The following DNM3 variants were observed in gnomAD, a reference collection of about 807,000 sequenced individuals.
DNM3 encodes the protein dynamin-3.
In DNM3, 47 loss-of-function variants were observed where a neutral mutation model predicts 101.6. That is an observed-to-expected ratio of 0.46 (90% confidence interval 0.37 to 0.59). The LOEUF (loss-of-function observed/expected upper bound fraction) is 0.59, where lower values mean the gene tolerates loss of function less well. Among genes scored for constraint, DNM3 ranks in the 20% least tolerant of loss-of-function variants. The probability of loss-of-function intolerance (pLI) is 0.00; values close to 1 mark genes in which losing one functional copy is unlikely to be tolerated. For synonymous variants in DNM3, 385 were observed against 387.9 expected, an observed-to-expected ratio of 0.99 and a Z score of 0.09; for missense variants, 849 against 1,085.7, an observed-to-expected ratio of 0.78 and a Z score of 3.06.
At chr1:171,957,320 C>A (rs1264559361) in intron 2 of DNM3, among the ~76,000 whole-genome samples, 1 of 151,560 alleles carries the variant, frequency 6.6e-6, no homozygotes, top group African/African-American at 2.4e-5. Context: ...GCTTCAGCCT[C>A]CTGAGTAGCT....
intron 2 of DNM3, chr1:171,987,267 A>T: frequency 1.0e-6 from 1 of 982,268 alleles, no homozygotes; most frequent in Non-Finnish European, 1.2e-6. Flanking sequence ...CATCCTGATG[A>T]AATGGTGATA....
intron 12 of DNM3, among the ~76,000 whole-genome samples, 159 bp downstream of exon 12, chr1:172,082,061 T>A (rs2053190316): frequency 6.6e-6 from 1 of 152,226 alleles, no homozygotes; most frequent in Non-Finnish European, 1.5e-5. Context: ...TCCATGGTCG[T>A]AGGGCAGGGA....
At chr1:172,050,806 C>T (rs1482070468) in intron 10 of DNM3, among the ~76,000 whole-genome samples, 2 of 152,118 alleles carry the variant, frequency 1.3e-5, no homozygotes, top group African/African-American at 4.8e-5. Context: ...AGATCTTGGC[C>T]TTACATCAAA....
intron 14 of DNM3, among the ~76,000 whole-genome samples, chr1:172,163,719 A>G (rs1480364380): frequency 6.6e-6 from 1 of 152,004 alleles, no homozygotes; most frequent in Non-Finnish European, 1.5e-5. Flanking sequence ...ATTCCTTGTA[A>G]GTGAGATCAT....
chr1:172,069,015 A>AG lies in DNM3; in HGVS notation c.1422+110_1422+111insG. On this transcript the variant is annotated intron_variant, in intron 11 of 20. Transcript: ENST00000627582. ...AGCCTGTCGCTTAAAGGAAAAAAAAATAGTGGAACACAACTACATTATGTT... is the reference window on the plus strand; with the variant it reads ...AGCCTGTCGCTTAAAGGAAAAAAAAAGTAGTGGAACACAACTACATTATGTT... 8.9e-6 allele frequency: 7 copies of AG among 784,026 alleles called. No individual in the cohort carries two copies. The South Asian group carries it at 1.0e-4, about 11-fold the overall frequency. The allele number at this position is 784,026 out of a possible 1,614,324, so 48.6% of individuals were successfully genotyped here.
Position 171,854,400 on chromosome 1 carries a change from TTTATGA to T in DNM3, c.161+12588_161+12593del, listed in dbSNP as rs377698363. Among the ~76,000 whole-genome samples, 199 of 152,270 alleles carry T rather than the reference TTTATGA, an allele frequency of 1.3e-3. 1 individual carries two copies. Among genetic ancestry groups the T allele is most frequent in the African/African-American group, 4.7e-3 (195 of 41,542 alleles). ...TGTCACATGGTAACATAGTTACCTG[TTTATGA>T]TTATTATTACTGGGGATGGAAGTTT... On this transcript the variant is annotated intron_variant, in intron 1 of 20. Transcript: ENST00000627582.
chr1:172,329,102 G>A (rs2148928744), intron 17 of DNM3, among the ~76,000 whole-genome samples: 1 of 152,100 alleles, frequency 6.6e-6, no homozygotes, highest in East Asian at 1.9e-4. Flanking sequence ...TTATGGTACT[G>A]TATGGTAAAA....
At chr1:172,289,503 T>C in intron 15 of DNM3, 4 of 902,220 alleles carry the variant, frequency 4.4e-6, no homozygotes, top group Non-Finnish European at 5.3e-6. Context: ...CAGAATTCTG[T>C]TTTATTGTCT....
chr1:172,064,972 C>T (rs982910768), intron 10 of DNM3, among the ~76,000 whole-genome samples: 23 of 152,136 alleles, frequency 1.5e-4, no homozygotes, highest in Non-Finnish European at 2.6e-4. Flanking sequence ...CTTACAGATT[C>T]CTTTTCTGGT....
At chr1:172,235,734 C>T (rs867023178) in intron 14 of DNM3, among the ~76,000 whole-genome samples, 1 of 152,074 alleles carries the variant, frequency 6.6e-6, no homozygotes, top group Admixed American at 6.6e-5. Flanking sequence ...TCTCAGCAAA[C>T]TATCGCAAGG....
chr1:172,334,859 A>C (rs1291021169), intron 17 of DNM3, among the ~76,000 whole-genome samples: 1 of 152,104 alleles, frequency 6.6e-6, no homozygotes, highest in Non-Finnish European at 1.5e-5. Flanking sequence ...TCTTTCACTA[A>C]ATAAAAAAAA....
At chr1:172,234,940 G>A (rs1262469415) in intron 14 of DNM3, among the ~76,000 whole-genome samples, 4 of 152,200 alleles carry the variant, frequency 2.6e-5, no homozygotes, top group Admixed American at 2.6e-4. Flanking sequence ...ACAGGCATGG[G>A]CAAGGACTTC....
intron 17 of DNM3, among the ~76,000 whole-genome samples, chr1:172,327,567 T>C (rs2065988708): frequency 6.6e-6 from 1 of 152,182 alleles, no homozygotes; most frequent in African/African-American, 2.4e-5. Context: ...TGTCATAATG[T>C]ACATTTTCTT....
chr1:172,179,060 G>C (rs1558683907), intron 14 of DNM3, among the ~76,000 whole-genome samples: 1 of 151,906 alleles, frequency 6.6e-6, no homozygotes, highest in Non-Finnish European at 1.5e-5. Flanking sequence ...AATGAAACTG[G>C]ACTTAGAATG....
At chr1:172,077,406 G>A (rs188013003) in intron 11 of DNM3, among the ~76,000 whole-genome samples, 2 of 152,144 alleles carry the variant, frequency 1.3e-5, no homozygotes, top group Non-Finnish European at 2.9e-5. Context: ...TGTGATGTTA[G>A]GGTGTCGATT....
chr1:172,379,094 G>T lies in DNM3; in HGVS notation c.1970G>T (p.Arg657Leu). ...TTGGAGAGGCAAGTGGAGACCATTC[G>T]CAACCTCGTAGACTCCTACATGTCC... ...PQLERQVETIRNLVDSYMSII... is the reference protein window; with the variant it reads ...PQLERQVETILNLVDSYMSII... The change falls in exon 18 of 21, where the codon CGC becomes CTC. Residue 657 changes from arginine (R) to leucine (L), a missense_variant. Transcript: ENST00000627582. 6.2e-7 allele frequency: 1 copy of T among 1,612,192 alleles called. No homozygotes were observed.
chr1:172,008,840 T>C (rs1324070027), intron 4 of DNM3, among the ~76,000 whole-genome samples: 2 of 138,586 alleles, frequency 1.4e-5, no homozygotes, highest in Non-Finnish European at 3.1e-5. Context: ...ATAATATATA[T>C]TAATATATTA....
At chr1:172,403,747 T>C (rs1205066524) in intron 20 of DNM3, among the ~76,000 whole-genome samples, 1 of 152,158 alleles carries the variant, frequency 6.6e-6, no homozygotes, top group African/African-American at 2.4e-5. Flanking sequence ...ACACAGTGTT[T>C]CAATAAACAC....
intron 1 of DNM3, among the ~76,000 whole-genome samples, chr1:171,916,770 T>C (rs961048239): frequency 2.6e-5 from 4 of 152,116 alleles, no homozygotes; most frequent in African/African-American, 7.2e-5. Context: ...CCACAGAAAA[T>C]AGACAAACAC....
Sources: gnomAD v4.1 joint callset for allele counts (sites outside exome capture counted in the v4.1 genomes callset) on GRCh38, gnomAD v4.1.1 for gene constraint, MANE v1.5 for transcripts, NCBI Gene and HGNC (gene_info 2026-07-23, HGNC 2026-07-21) for gene names.